The following TMEM47 variants were observed in gnomAD, a reference collection of about 807,000 sequenced individuals.
TMEM47 encodes brain cell membrane protein 1.
In TMEM47, 3 loss-of-function variants were observed where a neutral mutation model predicts 12.4. The ratio of observed to expected loss-of-function variants is 0.24; its 90% CI spans 0.11 to 0.63. The LOEUF (loss-of-function observed/expected upper bound fraction) is 0.63. Ranked by LOEUF, TMEM47 falls within the 20% of genes least tolerant of loss-of-function variation. TMEM47 has a pLI of 0.86. For synonymous variants in TMEM47, 62 were observed against 63.3 expected (o/e 0.98, Z 0.10); for missense variants, 89 against 143.8 (o/e 0.62, Z 1.95).
chrX:34,646,449 G>A (rs966953951), intron 1 of TMEM47, among the ~76,000 whole-genome samples: 30 of 111,831 alleles, frequency 2.7e-4, no homozygotes, highest in Admixed American at 2.3e-3. Flanking sequence ...TTCTTACCAT[G>A]CACCATCTTT....
At chrX:34,652,132 C>A (rs1183032367) in intron 1 of TMEM47, among the ~76,000 whole-genome samples, 1 of 112,136 alleles carries the variant, frequency 8.9e-6, no homozygotes, top group Non-Finnish European at 1.9e-5. Context: ...CATTTATTCT[C>A]CAACATACTA....
At chrX:34,641,948 C>G (rs1921825072) in intron 1 of TMEM47, among the ~76,000 whole-genome samples, 1 of 112,399 alleles carries the variant, frequency 8.9e-6, no homozygotes, top group African/African-American at 3.2e-5. Flanking sequence ...CCTCCGTCTC[C>G]CGGGTTCAAG....
chrX:34,646,720 T>C (rs1361980958), intron 1 of TMEM47, among the ~76,000 whole-genome samples: 2 of 111,181 alleles, frequency 1.8e-5, no homozygotes, highest in South Asian at 3.8e-4. Context: ...AAAGTTACTG[T>C]AATGGGTTTA....
intron 2 of TMEM47, among the ~76,000 whole-genome samples, chrX:34,634,257 T>C (rs929655529): frequency 8.9e-6 from 1 of 111,996 alleles, no homozygotes; most frequent in African/African-American, 3.2e-5. Flanking sequence ...TTATGCCCCC[T>C]GCACTTTTTT....
chrX:34,653,382 T>C (rs1024089071), intron 1 of TMEM47, among the ~76,000 whole-genome samples: 1 of 111,615 alleles, frequency 9.0e-6, no homozygotes, highest in African/African-American at 3.2e-5. Context: ...AAAGGAAAAA[T>C]GAATTTGTTA....
rs1332191447 is a variant in TMEM47 at position 34,627,946 on chromosome X, G to A, written c.*2367C>T. The A allele has an allele frequency of 3.6e-5, 4 of 112,066 alleles. No homozygotes were observed. The highest frequency in any genetic ancestry group is 7.5e-5 in the Non-Finnish European group (4 of 53,106). 9.2% of individuals were successfully genotyped at this position (112,066 alleles called of 1,213,427 possible). On this transcript the variant is annotated 3_prime_UTR_variant, in exon 3 of 3. Transcript: ENST00000275954. ...ATATTAGTGATGGTAGAAATCTAGT[G>A]TAGGGCTCTTTGCTGAGAAGGGAAA...
chrX:34,648,435 T>C (rs907435189), intron 1 of TMEM47, among the ~76,000 whole-genome samples: 1 of 111,479 alleles, frequency 9.0e-6, no homozygotes, highest in African/African-American at 3.3e-5. Flanking sequence ...AAACAAGCAA[T>C]GGAGAAAAGA....
At chrX:34,638,716 T>C (rs1191454752) in intron 2 of TMEM47, among the ~76,000 whole-genome samples, 1 of 112,529 alleles carries the variant, frequency 8.9e-6, no homozygotes, top group Non-Finnish European at 1.9e-5. Context: ...TTGGTTGATA[T>C]TTTAATCCAA....
chrX:34,651,341 C>T (rs1273358895), intron 1 of TMEM47, among the ~76,000 whole-genome samples: 1 of 112,061 alleles, frequency 8.9e-6, no homozygotes, highest in Non-Finnish European at 1.9e-5. Flanking sequence ...GAAAGGCCAC[C>T]TGTAGGCATT....
intron 1 of TMEM47, among the ~76,000 whole-genome samples, chrX:34,653,403 T>C (rs958794277): frequency 4.5e-5 from 5 of 112,231 alleles, no homozygotes; most frequent in African/African-American, 6.5e-5. Context: ...TATCCCTAAA[T>C]TACTGTTAGT....
intron 1 of TMEM47, among the ~76,000 whole-genome samples, chrX:34,654,983 G>A (rs1410715066): frequency 1.8e-5 from 2 of 111,510 alleles, no homozygotes; most frequent in African/African-American, 6.5e-5. Flanking sequence ...TTAGGCTTGC[G>A]TCTCCATATT....
intron 2 of TMEM47, among the ~76,000 whole-genome samples, chrX:34,638,573 T>C (rs1232129125): frequency 2.7e-5 from 3 of 111,946 alleles, no homozygotes; most frequent in Non-Finnish European, 5.6e-5. Context: ...CCACAGAATA[T>C]TGCAGTTTGA....
chrX:34,645,245 T>A (rs2147140505), intron 1 of TMEM47, among the ~76,000 whole-genome samples: 1 of 112,184 alleles, frequency 8.9e-6, no homozygotes, highest in East Asian at 2.8e-4. Context: ...TACAGAAGAA[T>A]ATTTCAAACT....
intron 2 of TMEM47, among the ~76,000 whole-genome samples, chrX:34,635,119 C>A (rs7060351): frequency 0.011 from 1,202 of 111,461 alleles, 13 homozygotes; most frequent in African/African-American, 0.037. Flanking sequence ...CAGGCCAGGT[C>A]CAGAAAATTA....
intron 1 of TMEM47, among the ~76,000 whole-genome samples, chrX:34,652,278 G>C (rs1237900961): frequency 8.9e-6 from 1 of 111,915 alleles, no homozygotes; most frequent in African/African-American, 3.2e-5. Context: ...GCTCCCTGCT[G>C]TGGTATTTAG....
At chrX:34,648,356 G>C (rs921743919) in intron 1 of TMEM47, among the ~76,000 whole-genome samples, 1 of 111,510 alleles carries the variant, frequency 9.0e-6, no homozygotes, top group African/African-American at 3.3e-5. Context: ...TAGACCAATG[G>C]AACAGAATAG....
chrX:34,650,592 T>C (rs1922000920), intron 1 of TMEM47, among the ~76,000 whole-genome samples: 1 of 112,148 alleles, frequency 8.9e-6, no homozygotes, highest in Admixed American at 9.4e-5. Context: ...CTCCAACACT[T>C]CTCTAGCACT....
In TMEM47 at chrX:34,627,853, T is replaced by C. The variant is rs1179005001; in HGVS notation, c.*2460A>G. 8.9e-6 allele frequency: 1 copy of C among 112,058 alleles called. No homozygotes were observed. Among genetic ancestry groups the C allele is most frequent in the Non-Finnish European group, 1.9e-5 (1 of 53,102 alleles). The allele number at this position is 112,058 out of a possible 1,213,427, so 9.2% of individuals were successfully genotyped here. On this transcript the variant is annotated 3_prime_UTR_variant, in exon 3 of 3. Coordinates refer to ENST00000275954, the MANE Select transcript of TMEM47 (RefSeq NM_031442.4). ...CTTGTGTTTATTCTGATAGACAAAA[T>C]TGTATTTTAGATGAGAAGCAACAAT... is the stretch of plus-strand genomic sequence containing the variant.
At chrX:34,645,460 C>T (rs965535328) in intron 1 of TMEM47, among the ~76,000 whole-genome samples, 1 of 111,981 alleles carries the variant, frequency 8.9e-6, no homozygotes, top group Non-Finnish European at 1.9e-5. Context: ...TGTGTAGAAC[C>T]ATAAACTTAG....
Sources: allele counts gnomAD v4.1 joint callset (sites outside exome capture counted in the v4.1 genomes callset), GRCh38; gene constraint gnomAD v4.1.1; transcripts MANE v1.5; gene names NCBI Gene and HGNC (gene_info 2026-07-23, HGNC 2026-07-21).